The following AGPAT4 variants were observed in gnomAD, a reference collection of about 807,000 sequenced individuals.
The protein encoded by AGPAT4 is 1-acylglycerol-3-phosphate O-acyltransferase 4, also known as 1-acyl-sn-glycerol-3-phosphate acyltransferase delta.
AGPAT4 carries 15 observed loss-of-function variants against 48.0 expected under a neutral mutation model. The ratio of observed to expected loss-of-function variants is 0.31; its 90% CI spans 0.21 to 0.48. AGPAT4 has a LOEUF of 0.48. AGPAT4 is among the 20% of genes least tolerant of loss of function. The pLI is 0.99. For missense variants in AGPAT4, 314 were observed against 482.5 expected, an observed-to-expected ratio of 0.65 and a Z score of 3.27; for synonymous variants, 178 against 198.7, an observed-to-expected ratio of 0.90 and a Z score of 0.88.
At position 161,149,010 on chromosome 6, in the gene AGPAT4, G is replaced by A. The variant is rs1002948885; in HGVS notation, c.767+177C>T. 6.6e-6 allele frequency among the ~76,000 whole-genome samples: 1 copy of A among 152,302 alleles called. No individual in the cohort carries two copies. Among genetic ancestry groups the A allele is most frequent in the South Asian group, 2.1e-4 (1 of 4,824 alleles). ...CAGAGGATCCGGAAGGAGCTGGGAC[G>A]GAAGGAGACTTCAGCAGATCATTCC... On this transcript the variant is annotated intron_variant, in intron 6 of 8. Transcript: ENST00000320285. This position sits in a 1 kb window ranked among gnomAD's most constrained non-coding sequence, Gnocchi z 6.5.
Position 161,233,918 on chromosome 6 carries a change from T to C in AGPAT4, c.-89-1616A>G, listed in dbSNP as rs1782198219. ...AGACGAGTATTCTTATCATCCCACT[T>C]TTCAGAATAAGAAACTGAGGCAATG... On this transcript the variant is annotated intron_variant, in intron 1 of 8. Coordinates refer to ENST00000320285, the MANE Select transcript of AGPAT4 (RefSeq NM_020133.3). This position sits in a 1 kb window ranked among gnomAD's most constrained non-coding sequence, Gnocchi z 5.4. Among the ~76,000 whole-genome samples the C allele has an allele frequency of 6.6e-6, 1 of 152,234 alleles. No homozygotes were observed. The highest frequency in any genetic ancestry group is 1.5e-5 in the Non-Finnish European group (1 of 68,040).
rs979106810 is a variant in AGPAT4, at chr6:161,165,678, T to C, written c.348+570A>G. Reference sequence around the variant, plus strand: ...ACAAAAGTCAACTGAAGAGACCCAGTTCCAAAGGCATGCAAGCTACGTGCA... The same window carrying C: ...ACAAAAGTCAACTGAAGAGACCCAGCTCCAAAGGCATGCAAGCTACGTGCA... On this transcript the variant is annotated intron_variant, in intron 3 of 8. Transcript: ENST00000320285. This position sits in a 1 kb window ranked among gnomAD's most constrained non-coding sequence, Gnocchi z 5.5. 8 of 1,288,464 alleles carry C rather than the reference T, an allele frequency of 6.2e-6. No individual in the cohort carries two copies. The African/African-American group carries it at 1.1e-4, about 17-fold the overall frequency. The allele number at this position is 1,288,464 out of a possible 1,614,324, so 79.8% of individuals were successfully genotyped here. A position where few individuals can be genotyped will look rare whatever the true frequency, so the allele number is the denominator to read the frequency against.
At chr6:161,252,644 G>GAAACCCTGTCTCT (rs11268813) in intron 1 of AGPAT4, among the ~76,000 whole-genome samples, 146,016 of 152,000 alleles carry the variant, frequency 0.96, 70,189 homozygotes, top group East Asian at 1. Context: ...GCAACATGGT[G>GAAACCCTGTCTCT]ACAAAAAATA....
Position 161,221,175 on chromosome 6 carries a change from C to T in AGPAT4, c.178+10861G>A, listed in dbSNP as rs1781825187. 6.6e-6 allele frequency among the ~76,000 whole-genome samples: 1 copy of T among 152,270 alleles called. No individual in the cohort carries two copies. The highest frequency in any genetic ancestry group is 3.4e-3 in the Middle Eastern group (1 of 294). ...AAGGAAACGTGTGAGGCTTTCCCTC[C>T]GGTCAGCAGAAAATCCACCCCTCGG... On this transcript the variant is annotated intron_variant, in intron 2 of 8. Coordinates refer to ENST00000320285, the MANE Select transcript of AGPAT4 (RefSeq NM_020133.3). The surrounding 1 kb of genome is among the most constrained non-coding windows in gnomAD (Gnocchi z 4.5).
rs1042252971 is a variant in AGPAT4, at chr6:161,254,365, C to A, written c.-90+19573G>T. On this transcript the variant is annotated intron_variant, in intron 1 of 8. Transcript: ENST00000320285. This position sits in a 1 kb window ranked among gnomAD's most constrained non-coding sequence, Gnocchi z 5.9. ...CCCTACCTTCTCTGATCCTCAGCTTCTTCCTGTCATTCACATCAGCCTAAC... is the reference window on the plus strand; with the variant it reads ...CCCTACCTTCTCTGATCCTCAGCTTATTCCTGTCATTCACATCAGCCTAAC... 6.6e-6 allele frequency among the ~76,000 whole-genome samples: 1 copy of A among 152,212 alleles called. No individual in the cohort carries two copies. The highest frequency in any genetic ancestry group is 1.5e-5 in the Non-Finnish European group (1 of 68,040).
At chr6:161,153,932 T>C (rs940520) in intron 4 of AGPAT4, among the ~76,000 whole-genome samples, 8,666 of 139,140 alleles carry the variant, frequency 0.062, 296 homozygotes, top group Middle Eastern at 0.15. Flanking sequence ...CACGGCCCCA[T>C]GGTCATACAC....
At chr6:161,253,896 A>T (rs946513432) in intron 1 of AGPAT4, among the ~76,000 whole-genome samples, 2 of 152,182 alleles carry the variant, frequency 1.3e-5, no homozygotes, top group African/African-American at 4.8e-5. Context: ...GCGGACATTC[A>T]CATTACTCCC....
In AGPAT4 at chr6:161,218,188, T is replaced by A. The variant is rs1396257493; in HGVS notation, c.178+13848A>T. ...CCGTCCACAGTGACGGTGCCAATGG[T>A]GCTGTGCTGGAAAATGGTTAACAAC... On this transcript the variant is annotated intron_variant, in intron 2 of 8. Coordinates refer to ENST00000320285, the MANE Select transcript of AGPAT4 (RefSeq NM_020133.3). The surrounding 1 kb of genome is among the most constrained non-coding windows in gnomAD (Gnocchi z 4.7). Among the ~76,000 whole-genome samples, 1 of 152,112 alleles carries A rather than the reference T, an allele frequency of 6.6e-6. No individual in the cohort carries two copies. The highest frequency in any genetic ancestry group is 1.5e-5 in the Non-Finnish European group (1 of 68,006).
rs1779255282 is a variant in AGPAT4 at position 161,141,715 on chromosome 6, A to T, written c.844-2095T>A. ...GTCTTTATAGTGCTTTTTTACAGTA[A>T]TATCACAAAGGGGAACTCACCATGG... On this transcript the variant is annotated intron_variant, in intron 7 of 8. Coordinates refer to ENST00000320285, the MANE Select transcript of AGPAT4 (RefSeq NM_020133.3). This position sits in a 1 kb window ranked among gnomAD's most constrained non-coding sequence, Gnocchi z 6.7. Among the ~76,000 whole-genome samples, 1 of 152,078 alleles carries T rather than the reference A, an allele frequency of 6.6e-6. No homozygotes were observed. The highest frequency in any genetic ancestry group is 2.4e-5 in the African/African-American group (1 of 41,404).
At position 161,166,130 on chromosome 6, in the gene AGPAT4, T is replaced by A. The variant is rs1450891802; in HGVS notation, c.348+118A>T. Reference sequence around the variant, plus strand: ...AAAGCAGTTTATTAGGACCATTTCATCAAGTAGAAACTCTGTTGATTCTTC... The same window carrying A: ...AAAGCAGTTTATTAGGACCATTTCAACAAGTAGAAACTCTGTTGATTCTTC... On this transcript the variant is annotated intron_variant, in intron 3 of 8. Transcript: ENST00000320285. This position sits in a 1 kb window ranked among gnomAD's most constrained non-coding sequence, Gnocchi z 6.7. The A allele has an allele frequency of 3.7e-6, 5 of 1,353,660 alleles. No homozygotes were observed. The highest frequency in any genetic ancestry group is 2.5e-5 in the East Asian group (1 of 39,760). 83.9% of individuals were successfully genotyped at this position (1,353,660 alleles called of 1,614,324 possible). A position where few individuals can be genotyped will look rare whatever the true frequency, so the allele number is the denominator to read the frequency against.
chr6:161,209,292 C>T (rs1781462932), intron 2 of AGPAT4, among the ~76,000 whole-genome samples: 1 of 152,144 alleles, frequency 6.6e-6, no homozygotes, highest in Non-Finnish European at 1.5e-5. Flanking sequence ...AATCCATGGG[C>T]ACCTATCAAT....
rs1779016928 is a variant in AGPAT4 at position 161,134,925 on chromosome 6, C to CAGT, written c.*1612_*1614dup. ...GAGTTAACTCAGGCCCTAGGCTCTGCAGTACGCTCTTCCCACAAGTCAGCC... is the reference window on the plus strand; with the variant it reads ...GAGTTAACTCAGGCCCTAGGCTCTGCAGTAGTACGCTCTTCCCACAAGTCAGCC... On this transcript the variant is annotated 3_prime_UTR_variant, in exon 9 of 9. Transcript: ENST00000320285. 1 of 152,290 alleles carries CAGT rather than the reference C, an allele frequency of 6.6e-6. No homozygotes were observed. The highest frequency in any genetic ancestry group is 1.5e-5 in the Non-Finnish European group (1 of 68,068). 9.4% of individuals were successfully genotyped at this position (152,290 alleles called of 1,614,324 possible). A position where few individuals can be genotyped will look rare whatever the true frequency, so the allele number is the denominator to read the frequency against.
At chr6:161,203,984 CAGT>C (rs1232506804) in intron 2 of AGPAT4, among the ~76,000 whole-genome samples, 1 of 152,086 alleles carries the variant, frequency 6.6e-6, no homozygotes, top group African/African-American at 2.4e-5. Flanking sequence ...CATAAATAAA[CAGT>C]AGTAATAATC....
intron 2 of AGPAT4, among the ~76,000 whole-genome samples, chr6:161,179,464 C>T (rs1046944013): frequency 1.3e-5 from 2 of 152,186 alleles, no homozygotes; most frequent in African/African-American, 2.4e-5. Context: ...AGATAAAATG[C>T]CCAACTCAAA....
rs1457276262 is a variant in AGPAT4, at chr6:161,238,465, T to C, written c.-89-6163A>G. ...ACTCAGTTTTCCTTCTCTACCTATCTAGATCAAGACATTGTCTTTAATTTA... is the reference window on the plus strand; with the variant it reads ...ACTCAGTTTTCCTTCTCTACCTATCCAGATCAAGACATTGTCTTTAATTTA... On this transcript the variant is annotated intron_variant, in intron 1 of 8. Coordinates refer to ENST00000320285, the MANE Select transcript of AGPAT4 (RefSeq NM_020133.3). This position sits in a 1 kb window ranked among gnomAD's most constrained non-coding sequence, Gnocchi z 5.2. 2.0e-5 allele frequency among the ~76,000 whole-genome samples: 3 copies of C among 152,194 alleles called. No homozygotes were observed. The highest frequency in any genetic ancestry group is 3.8e-4 in the East Asian group (2 of 5,202).
rs1036423378 is a variant in AGPAT4 at position 161,217,188 on chromosome 6, A to G, written c.178+14848T>C. Among the ~76,000 whole-genome samples the G allele has an allele frequency of 4.6e-5, 7 of 152,232 alleles. No individual in the cohort carries two copies. The highest frequency in any genetic ancestry group is 8.8e-5 in the Non-Finnish European group (6 of 68,042). Reference sequence around the variant, plus strand: ...AGCACAGGCGTGGGGACGCGAAAGGACAGGGGAACACCGGAGAACTCGGTC... The same window carrying G: ...AGCACAGGCGTGGGGACGCGAAAGGGCAGGGGAACACCGGAGAACTCGGTC... On this transcript the variant is annotated intron_variant, in intron 2 of 8. Transcript: ENST00000320285. The surrounding 1 kb of genome is among the most constrained non-coding windows in gnomAD (Gnocchi z 4.9).
Position 161,266,315 on chromosome 6 carries a change from T to C in AGPAT4, c.-90+7623A>G, listed in dbSNP as rs1487487386. On this transcript the variant is annotated intron_variant, in intron 1 of 8. Transcript: ENST00000320285. The surrounding 1 kb of genome is among the most constrained non-coding windows in gnomAD (Gnocchi z 6.2). ...GAGGCCAGCGATGAGGCAACCCTGA[T>C]GACCTGACTTCTTGTGCCCATCTCT... 2.6e-5 allele frequency among the ~76,000 whole-genome samples: 4 copies of C among 152,216 alleles called. No individual in the cohort carries two copies. The highest frequency in any genetic ancestry group is 5.9e-5 in the Non-Finnish European group (4 of 68,036).
rs375011382 is a variant in AGPAT4 at position 161,228,661 on chromosome 6, T to TAAAAAAAAAAAAAAAAAAAAAA, written c.178+3374_178+3375insTTTTTTTTTTTTTTTTTTTTTT. Among the ~76,000 whole-genome samples, 107 of 84,084 alleles carry TAAAAAAAAAAAAAAAAAAAAAA rather than the reference T, an allele frequency of 1.3e-3. 6 individuals are homozygous for TAAAAAAAAAAAAAAAAAAAAAA. Among genetic ancestry groups the TAAAAAAAAAAAAAAAAAAAAAA allele is most frequent in the East Asian group, 9.9e-3 (28 of 2,826 alleles). 55.2% of individuals were successfully genotyped at this position (84,084 alleles called of 152,430 possible). On this transcript the variant is annotated intron_variant, in intron 2 of 8. Transcript: ENST00000320285. ...TTTGAAACCCACAATGTCAGAGAGG[T>TAAAAAAAAAAAAAAAAAAAAAA]AAAAAAAAAAAAAAAAGCCAGTCTT...
intron 2 of AGPAT4, among the ~76,000 whole-genome samples, chr6:161,183,944 G>A (rs938735834): frequency 6.6e-6 from 1 of 151,970 alleles, no homozygotes; most frequent in Non-Finnish European, 1.5e-5. Context: ...GGAAGGAGAG[G>A]GTGCCAAGGG....
Sources: gnomAD v4.1 joint callset for allele counts (sites outside exome capture counted in the v4.1 genomes callset) on GRCh38, gnomAD v4.1.1 for gene constraint, Gnocchi (gnomAD v3.1) non-coding constraint, MANE v1.5 for transcripts, NCBI Gene and HGNC (gene_info 2026-07-23, HGNC 2026-07-21) for gene names.